The following SEPTIN9 variants were observed in gnomAD, a reference collection of about 807,000 sequenced individuals.
The protein encoded by SEPTIN9 is septin-9.
Under a neutral mutation model 56.6 loss-of-function variants are expected in SEPTIN9, and 13 were observed. That is an observed-to-expected ratio of 0.23 (90% CI 0.15 to 0.37). The LOEUF (loss-of-function observed/expected upper bound fraction) is 0.37, where lower values mean the gene tolerates loss of function less well. Among genes scored for constraint, SEPTIN9 ranks in the 10% least tolerant of loss-of-function variants. The pLI is 1.00. For missense variants in SEPTIN9, 650 were observed against 823.1 expected, an observed-to-expected ratio of 0.79 and a Z score of 2.57; for synonymous variants, 332 against 334.1, an observed-to-expected ratio of 0.99 and a Z score of 0.07.
At chr17:77,417,853 A>G (rs557441509) in intron 3 of SEPTIN9, among the ~76,000 whole-genome samples, 2 of 152,306 alleles carry the variant, frequency 1.3e-5, no homozygotes, top group East Asian at 3.9e-4. Context: ...GGGTTCCAGG[A>G]ACCCAGCCTT....
rs1311332166 is a variant in SEPTIN9, at chr17:77,421,680, T to C, written c.721+18977T>C. On this transcript the variant is annotated intron_variant, in intron 3 of 11. Transcript: ENST00000427177. This position sits in a 1 kb window ranked among gnomAD's most constrained non-coding sequence, Gnocchi z 4.6. ...TGGAACTGGAGTGGCTCCTCCACGGTGGATTGGGCTGAGCTCTCTGCCTCG... is the reference window on the plus strand; with the variant it reads ...TGGAACTGGAGTGGCTCCTCCACGGCGGATTGGGCTGAGCTCTCTGCCTCG... 6.6e-6 allele frequency among the ~76,000 whole-genome samples: 1 copy of C among 152,164 alleles called. No individual in the cohort carries two copies. The highest frequency in any genetic ancestry group is 1.5e-5 in the Non-Finnish European group (1 of 68,020).
At chr17:77,309,746 A>C (rs1190113514) in intron 2 of SEPTIN9, among the ~76,000 whole-genome samples, 6 of 152,184 alleles carry the variant, frequency 3.9e-5, no homozygotes, top group Non-Finnish European at 7.3e-5. Context: ...CCTTTTAAAA[A>C]AAAAATGGAA....
intron 2 of SEPTIN9, among the ~76,000 whole-genome samples, chr17:77,320,850 C>T (rs890525642): frequency 4.6e-5 from 7 of 152,224 alleles, no homozygotes; most frequent in African/African-American, 7.2e-5. Context: ...GGGAAGCTCC[C>T]GGCGCTCAGA....
At chr17:77,315,067 T>A (rs1449141428) in intron 2 of SEPTIN9, among the ~76,000 whole-genome samples, 1 of 152,194 alleles carries the variant, frequency 6.6e-6, no homozygotes, top group African/African-American at 2.4e-5. Context: ...GGGCTTATCC[T>A]GCACACATAT....
At chr17:77,353,994 G>A (rs1329712510) in intron 2 of SEPTIN9, among the ~76,000 whole-genome samples, 2 of 152,116 alleles carry the variant, frequency 1.3e-5, no homozygotes, top group Non-Finnish European at 2.9e-5. Flanking sequence ...CCCCACAAGG[G>A]TCCCTAGAAC....
intron 3 of SEPTIN9, among the ~76,000 whole-genome samples, chr17:77,416,497 T>G (rs1425431069): frequency 6.6e-6 from 1 of 152,148 alleles, no homozygotes; most frequent in Admixed American, 6.5e-5. Context: ...GCCAGGGACA[T>G]GCCGGCAGCA....
intron 3 of SEPTIN9, among the ~76,000 whole-genome samples, chr17:77,460,186 A>G (rs1324780379): frequency 2.0e-5 from 3 of 151,730 alleles, no homozygotes; most frequent in Admixed American, 2.0e-4. Context: ...GTCAGTTTCT[A>G]CATCTGGTTA....
At chr17:77,448,217 A>C (rs867901935) in intron 3 of SEPTIN9, among the ~76,000 whole-genome samples, 1 of 152,144 alleles carries the variant, frequency 6.6e-6, no homozygotes, top group African/African-American at 2.4e-5. Flanking sequence ...TCACGCGTGT[A>C]ATCTCAGCAC....
rs927662524 is a variant in SEPTIN9 at position 77,349,391 on chromosome 17, A to G, written c.76+42194A>G. On this transcript the variant is annotated intron_variant, in intron 2 of 11. Coordinates refer to ENST00000427177, the MANE Select transcript of SEPTIN9 (RefSeq NM_001113491.2). ...TTTGGCCTCCTAAAATGCTGGGATTATAGGTGTGAGCCACTGTGCCCAGCC... is the reference window on the plus strand; with the variant it reads ...TTTGGCCTCCTAAAATGCTGGGATTGTAGGTGTGAGCCACTGTGCCCAGCC... Among the ~76,000 whole-genome samples the G allele has an allele frequency of 9.7e-4, 148 of 152,316 alleles. 1 individual carries two copies. Among genetic ancestry groups the G allele is most frequent in the African/African-American group, 3.3e-3 (137 of 41,572 alleles).
rs1685844376 is a variant in SEPTIN9, at chr17:77,487,261, G to A, written c.914-163G>A. 1.3e-5 allele frequency among the ~76,000 whole-genome samples: 2 copies of A among 152,190 alleles called. No individual in the cohort carries two copies. Among genetic ancestry groups the A allele is most frequent in the Admixed American group, 6.5e-5 (1 of 15,292 alleles). ...GTCACTGGACACCCGGCTCGAGGGT[G>A]AAGTCCTCGGGGGCTGCTTGGCAGG... is the stretch of plus-strand genomic sequence containing the variant. On this transcript the variant is annotated intron_variant, in intron 4 of 11. Transcript: ENST00000427177. The surrounding 1 kb of genome is among the most constrained non-coding windows in gnomAD (Gnocchi z 4.3).
intron 3 of SEPTIN9, among the ~76,000 whole-genome samples, chr17:77,420,514 C>T (rs1463065287): frequency 1.3e-5 from 2 of 152,162 alleles, no homozygotes; most frequent in African/African-American, 4.8e-5. Flanking sequence ...GATTCTGCTC[C>T]ACCCAGAGGA....
Position 77,475,711 on chromosome 17 carries a change from C to A in SEPTIN9, c.722-6433C>A, listed in dbSNP as rs541303612. 1.2e-6 allele frequency: 2 copies of A among 1,613,474 alleles called. No homozygotes were observed. The highest frequency in any genetic ancestry group is 4.5e-5 in the East Asian group (2 of 44,878). On this transcript the variant is annotated intron_variant, in intron 3 of 11. Coordinates refer to ENST00000427177, the MANE Select transcript of SEPTIN9 (RefSeq NM_001113491.2). This position sits in a 1 kb window ranked among gnomAD's most constrained non-coding sequence, Gnocchi z 4.6. ...CCGGGGTGGATGGAGGCAAGGAAGT[C>A]TTCGCCGGGGCAAGGGCACCAGCTG...
intron 11 of SEPTIN9, 62 bp from the exon 12 acceptor site, chr17:77,498,461 G>GGC: frequency 1.3e-6 from 1 of 785,292 alleles, no homozygotes. Flanking sequence ...CAGGGCCCCT[G>GGC]CCCCGCTGCC....
chr17:77,332,102 C>T (rs1193087920), intron 2 of SEPTIN9, among the ~76,000 whole-genome samples: 1 of 151,936 alleles, frequency 6.6e-6, no homozygotes, highest in East Asian at 1.9e-4. Flanking sequence ...ATAGTGAGAT[C>T]CCATCTCTAT....
At chr17:77,454,948 G>GGGGGT (rs1478801218) in intron 3 of SEPTIN9, among the ~76,000 whole-genome samples, 5 of 152,160 alleles carry the variant, frequency 3.3e-5, no homozygotes, top group Non-Finnish European at 7.3e-5. Flanking sequence ...TGGTTTTGCT[G>GGGGGT]GGGGTGGGGG....
intron 3 of SEPTIN9, among the ~76,000 whole-genome samples, chr17:77,479,779 G>A (rs2039375303): frequency 6.6e-6 from 1 of 152,034 alleles, no homozygotes; most frequent in Non-Finnish European, 1.5e-5. Flanking sequence ...GGATGCTGGG[G>A]GGAGGTGGGG....
intron 2 of SEPTIN9, chr17:77,373,195 G>A (rs1037748178): frequency 1.8e-6 from 2 of 1,087,410 alleles, no homozygotes; most frequent in Non-Finnish European, 2.2e-6. Context: ...CAGCCCCCCA[G>A]GCCTGGCCTT....
At chr17:77,300,220 C>T (rs1240438851) in intron 1 of SEPTIN9, among the ~76,000 whole-genome samples, 1 of 152,210 alleles carries the variant, frequency 6.6e-6, no homozygotes, top group Non-Finnish European at 1.5e-5. Flanking sequence ...GCCTCAGCCT[C>T]CTGAGTAGCT....
chr17:77,342,407 A>C (rs2060550), intron 2 of SEPTIN9, among the ~76,000 whole-genome samples: 82,849 of 152,074 alleles, frequency 0.54, 23,422 homozygotes, highest in East Asian at 0.99. Context: ...CCCTCTCATC[A>C]GCAGCCTGGC....
Sources: allele counts gnomAD v4.1 joint callset (sites outside exome capture counted in the v4.1 genomes callset), GRCh38; gene constraint gnomAD v4.1.1; non-coding constraint Gnocchi (gnomAD v3.1); transcripts MANE v1.5; gene names NCBI Gene and HGNC (gene_info 2026-07-23, HGNC 2026-07-21).